The following COL5A3 variants were observed in gnomAD, a reference collection of about 807,000 sequenced individuals.
The protein encoded by COL5A3 is collagen alpha-3(V) chain.
COL5A3 carries 172 observed loss-of-function variants against 250.0 expected under a neutral mutation model. The observed-to-expected ratio is 0.69, with a 90% CI of 0.61 to 0.78. COL5A3 has a LOEUF of 0.78. COL5A3 is among the 30% of genes least tolerant of loss of function. The pLI is 0.00. For missense variants in COL5A3, 2,340 were observed against 2,334.4 expected, an observed-to-expected ratio of 1.00 and a Z score of -0.05; for synonymous variants, 937 against 900.4, an observed-to-expected ratio of 1.04 and a Z score of -0.73.
intron 16 of COL5A3, 107 bp downstream of exon 16, chr19:9,995,457 C>G: frequency 2.1e-6 from 2 of 975,432 alleles, no homozygotes; most frequent in Non-Finnish European, 3.0e-6. Context: ...CTTCAGCACT[C>G]TTTTCCCACT....
chr19:10,003,432 AAG>A, intron 6 of COL5A3, 131 bp downstream of exon 6: 1 of 907,556 alleles, frequency 1.1e-6, no homozygotes, highest in Non-Finnish European at 1.7e-6. Flanking sequence ...ACCAGAGAAA[AAG>A]ATCATAGATG....
intron 40 of COL5A3, 129 bp from the exon 41 acceptor site, chr19:9,978,756 T>A (rs2086961311): frequency 1.1e-6 from 1 of 897,346 alleles, no homozygotes; most frequent in East Asian, 3.0e-5. Context: ...GGGGTCTGCC[T>A]TCCCCAGTTC....
chr19:9,996,718 G>A (rs2087279189), intron 11 of COL5A3, 29 bp from the exon 12 acceptor site: 1 of 1,557,644 alleles, frequency 6.4e-7, no homozygotes. Flanking sequence ...AAGAGAGGTG[G>A]AGACAGGGAG....
rs935393574 is a variant in COL5A3, at chr19:9,960,121, T to C, written c.*290A>G. On this transcript the variant is annotated 3_prime_UTR_variant, in exon 67 of 67. Coordinates refer to ENST00000264828, the MANE Select transcript of COL5A3 (RefSeq NM_015719.4). Reference sequence around the variant, plus strand: ...AGCTCTGAGTTAGAAGCTCATTGCATGGGGGTTCAAGGGGTGGGGAGGTGA... The same window carrying C: ...AGCTCTGAGTTAGAAGCTCATTGCACGGGGGTTCAAGGGGTGGGGAGGTGA... 2 of 306,886 alleles carry C rather than the reference T, an allele frequency of 6.5e-6. No individual in the cohort carries two copies. The highest frequency in any genetic ancestry group is 1.1e-5 in the Non-Finnish European group (2 of 179,746). The allele number at this position is 306,886 out of a possible 1,614,324, so 19.0% of individuals were successfully genotyped here. A position where few individuals can be genotyped will look rare whatever the true frequency, so the allele number is the denominator to read the frequency against.
chr19:9,992,144 C>T (rs956908319), intron 21 of COL5A3, 96 bp from the exon 22 acceptor site: 77 of 1,063,722 alleles, frequency 7.2e-5, no homozygotes, highest in Non-Finnish European at 1.0e-4. Flanking sequence ...TGAGCAGGGC[C>T]GGGCACTGTG....
rs960623212 is a variant in COL5A3 at position 9,977,097 on chromosome 19, G to A, written c.3288+132C>T. 3 of 848,884 alleles carry A rather than the reference G, an allele frequency of 3.5e-6. No individual in the cohort carries two copies. In the African/African-American group the frequency reaches 5.0e-5, roughly 14 times the overall value. The allele number at this position is 848,884 out of a possible 1,614,324, so 52.6% of individuals were successfully genotyped here. On this transcript the variant is annotated intron_variant, in intron 44 of 66. Transcript: ENST00000264828. ...CAAGTACCTTCTGTTGCATGTAATT[G>A]TCAAGATGGTACCCGAGAAGGCAGA...
In COL5A3 at chr19:10,010,479, G is replaced by T; in HGVS notation, c.-94C>A. ...CTCGGTGCAGTCACTCGCGGCGGCCGCTCCTCTCAGGGTCCGCGGGAAACT... is the reference window on the plus strand; with the variant it reads ...CTCGGTGCAGTCACTCGCGGCGGCCTCTCCTCTCAGGGTCCGCGGGAAACT... On this transcript the variant is annotated 5_prime_UTR_variant, in exon 1 of 67. Transcript: ENST00000264828. 3.7e-6 allele frequency: 3 copies of T among 801,456 alleles called. No individual in the cohort carries two copies. The highest frequency in any genetic ancestry group is 5.2e-6 in the Non-Finnish European group (3 of 573,820). The allele number at this position is 801,456 out of a possible 1,614,324, so 49.6% of individuals were successfully genotyped here. A position where few individuals can be genotyped will look rare whatever the true frequency, so the allele number is the denominator to read the frequency against.
intron 31 of COL5A3, among the ~76,000 whole-genome samples, chr19:9,985,007 G>A (rs919446483): frequency 2.1e-5 from 3 of 143,274 alleles, no homozygotes; most frequent in Non-Finnish European, 3.0e-5. Context: ...GGAGTTCAGT[G>A]GTGAGATCTT....
At position 9,977,275 on chromosome 19, in the gene COL5A3, A is replaced by G. The variant is rs779533720; in HGVS notation, c.3242T>C (p.Val1081Ala). The G allele has an allele frequency of 6.2e-7, 1 of 1,613,694 alleles. No homozygotes were observed. The highest frequency in any genetic ancestry group is 8.5e-7 in the Non-Finnish European group (1 of 1,179,890). The stretch of plus-strand genomic sequence containing the variant: ...ACTCCCCTTGTGTCCGGGGGCACCC[A>G]CATCCCCCTGCAGAGGAAATGGGAT... ...PSGEEGDKGD[V>A]GAPGHKGSKG... Residue 1081 changes from valine (V) to alanine (A), a missense_variant, in exon 44 of 67, where the codon GTG becomes GCG. Physicochemically the swap from Val to Ala is moderately conservative, Grantham distance 64. Transcript: ENST00000264828.
At chr19:9,994,517 G>A (rs922490821) in intron 16 of COL5A3, among the ~76,000 whole-genome samples, 12 of 138,962 alleles carry the variant, frequency 8.6e-5, no homozygotes, top group South Asian at 2.3e-4. Context: ...TTGAGATGGC[G>A]TCTTGCTCTG....
chr19:9,983,166 CTCTTCAAGGA>C (rs1483360542), intron 31 of COL5A3, among the ~76,000 whole-genome samples: 2 of 152,038 alleles, frequency 1.3e-5, no homozygotes, highest in Admixed American at 6.6e-5. Context: ...GGCCCCAACA[CTCTTCAAGGA>C]TCCTGAACAC....
At chr19:9,964,512 G>A (rs1351027282) in intron 64 of COL5A3, among the ~76,000 whole-genome samples, 1 of 152,076 alleles carries the variant, frequency 6.6e-6, no homozygotes, top group Non-Finnish European at 1.5e-5. Context: ...GGCTGAGACA[G>A]GAGGATCATT....
intron 24 of COL5A3, among the ~76,000 whole-genome samples, chr19:9,990,048 G>T (rs564474630): frequency 6.9e-6 from 1 of 145,880 alleles, no homozygotes; most frequent in Admixed American, 6.8e-5. Flanking sequence ...CACTGTGCCC[G>T]CCTTCCCTGG....
At chr19:9,980,714 T>G (rs1364214811) in intron 34 of COL5A3, 22 bp from the exon 35 acceptor site, 2 of 1,613,864 alleles carry the variant, frequency 1.2e-6, no homozygotes, top group African/African-American at 2.7e-5. Flanking sequence ...TGAATGAGAC[T>G]CAGGCCCCAG....
At position 9,993,630 on chromosome 19, in the gene COL5A3, T is replaced by A; in HGVS notation, c.1684A>T (p.Lys562Ter). ...FDGLPGLPGE[K>*]GQRGDFGHVG... is the part of the protein sequence containing the mutation. Reference sequence around the variant, plus strand: ...CCTCACACACTCACCCTTTGGCCCTTCTCACCAGGCAGCCCAGGGAGGCCA... The same window carrying A: ...CCTCACACACTCACCCTTTGGCCCTACTCACCAGGCAGCCCAGGGAGGCCA... Residue 562 changes from lysine (K) to a stop codon, truncating the protein, a stop_gained, in exon 18 of 67, where the codon AAG becomes TAG. Coordinates refer to ENST00000264828, the MANE Select transcript of COL5A3 (RefSeq NM_015719.4). LOFTEE classifies it high-confidence loss of function. 1 of 1,613,952 alleles carries A rather than the reference T, an allele frequency of 6.2e-7. No homozygotes were observed. Among genetic ancestry groups the A allele is most frequent in the Non-Finnish European group, 8.5e-7 (1 of 1,179,986 alleles).
chr19:9,995,977 T>C lies in COL5A3; in HGVS notation c.1533+89A>G, dbSNP rs573236258. The C allele has an allele frequency of 5.5e-6, 7 of 1,270,878 alleles. No individual in the cohort carries two copies. In the South Asian group the frequency reaches 1.2e-4, roughly 23 times the overall value. 78.7% of individuals were successfully genotyped at this position (1,270,878 alleles called of 1,614,324 possible). ...CAATTGCAAGGGTATCCCCAGCCCC[T>C]TTGGCACTTTCCCCATCCAGCACTG... On this transcript the variant is annotated intron_variant, in intron 15 of 66. Coordinates refer to ENST00000264828, the MANE Select transcript of COL5A3 (RefSeq NM_015719.4).
chr19:9,992,330 A>G (rs920417841), intron 21 of COL5A3, among the ~76,000 whole-genome samples: 2 of 152,112 alleles, frequency 1.3e-5, no homozygotes, highest in Non-Finnish European at 2.9e-5. Flanking sequence ...AATAGCTTGA[A>G]CGTGGAAGGC....
Position 10,010,457 on chromosome 19 carries a change from G to C in COL5A3, c.-72C>G. Reference sequence around the variant, plus strand: ...CGGGGCGCGGCGACTTCTCGGGCTCGGTGCAGTCACTCGCGGCGGCCGCTC... The same window carrying C: ...CGGGGCGCGGCGACTTCTCGGGCTCCGTGCAGTCACTCGCGGCGGCCGCTC... On this transcript the variant is annotated 5_prime_UTR_variant, in exon 1 of 67. Transcript: ENST00000264828. 3 of 1,037,656 alleles carry C rather than the reference G, an allele frequency of 2.9e-6. No individual in the cohort carries two copies. Among genetic ancestry groups the C allele is most frequent in the Non-Finnish European group, 3.8e-6 (3 of 780,894 alleles). The allele number at this position is 1,037,656 out of a possible 1,614,324, so 64.3% of individuals were successfully genotyped here. A position where few individuals can be genotyped will look rare whatever the true frequency, so the allele number is the denominator to read the frequency against.
rs778826937 is a variant in COL5A3, at chr19:9,989,330, C to T, written c.2083G>A (p.Gly695Arg). ...ACCTCCTGGTCACTCACCTGAGCCC[C>T]TTTCTCTCCCGTGGGGCCCTCATGT... Reference protein sequence around the residue: ...PGHEGPTGEKGAQGPPGSAGP... With the variant: ...PGHEGPTGEKRAQGPPGSAGP... Residue 695 changes from glycine (G) to arginine (R), a missense_variant, in exon 26 of 67, where the codon GGG becomes AGG. Physicochemically the swap from Gly to Arg is moderately radical, Grantham distance 125. This residue lies in a region of COL5A3 where 1,152 missense variants were observed against 1,146.3 expected (regional missense o/e 1.00). Coordinates refer to ENST00000264828, the MANE Select transcript of COL5A3 (RefSeq NM_015719.4). The T allele has an allele frequency of 1.2e-6, 2 of 1,614,240 alleles. No individual in the cohort carries two copies. Among genetic ancestry groups the T allele is most frequent in the East Asian group, 4.5e-5 (2 of 44,882 alleles).
Sources: allele counts gnomAD v4.1 joint callset (sites outside exome capture counted in the v4.1 genomes callset), GRCh38; gene constraint gnomAD v4.1.1; regional missense constraint gnomAD v4.1.1; transcripts MANE v1.5; gene names NCBI Gene and HGNC (gene_info 2026-07-23, HGNC 2026-07-21).